The following GSTA3 variants were observed in gnomAD, a reference collection of about 807,000 sequenced individuals.
GSTA3 encodes glutathione S-transferase A3.
A neutral mutation model predicts 23.1 loss-of-function variants in GSTA3; 16 were observed. The ratio of observed to expected loss-of-function variants is 0.69; its 90% CI spans 0.47 to 1.05. The LOEUF (loss-of-function observed/expected upper bound fraction) is 1.05, where lower values mean the gene tolerates loss of function less well. Ranked by LOEUF, GSTA3 falls within the 50% of genes least tolerant of loss-of-function variation. The probability of loss-of-function intolerance (pLI) is 0.00; values close to 1 mark genes in which losing one functional copy is unlikely to be tolerated. For missense variants in GSTA3, 319 were observed against 263.6 expected (o/e 1.21, Z -1.46); for synonymous variants, 122 against 91.0 (o/e 1.34, Z -1.94).
intron 5 of GSTA3, 90 bp from the exon 6 acceptor site, chr6:52,898,046 C>G (rs1387534615): frequency 6.9e-7 from 1 of 1,440,632 alleles, no homozygotes; most frequent in Admixed American, 1.7e-5. Context: ...CTGACATTCC[C>G]ACCTGTGTTG....
chr6:52,906,604 C>A (rs10948730), intron 1 of GSTA3, among the ~76,000 whole-genome samples: 28,143 of 151,944 alleles, frequency 0.19, 3,418 homozygotes, highest in Non-Finnish European at 0.26. Flanking sequence ...GGTACTGGTA[C>A]CAAAACAGAG....
chr6:52,896,840 GC>G lies in GSTA3; in HGVS notation c.634del (p.Ala212LeufsTer2), dbSNP rs1561949026. 5.0e-6 allele frequency: 8 copies of G among 1,613,942 alleles called. No individual in the cohort carries two copies. Among genetic ancestry groups the G allele is most frequent in the Admixed American group, 3.3e-5 (2 of 59,994 alleles). On this transcript the variant is annotated frameshift_variant, in exon 7 of 7. Coordinates refer to ENST00000211122, the MANE Select transcript of GSTA3 (RefSeq NM_000847.5). LOFTEE classifies it low-confidence loss of function (END_TRUNC). ...SPRKPPADAKALEEARKIFRF is the reference protein window; with the variant it reads ...SPRKPPADAKXLEEARKIFRF Reference sequence around the variant, plus strand: ...GAAAATCTTTCTGGCTTCTTCTAAAGCTTTTGCATCTGCGGGAGGCTTCCTT... The same window carrying G: ...GAAAATCTTTCTGGCTTCTTCTAAAGTTTTGCATCTGCGGGAGGCTTCCTT...
At position 52,896,763 on chromosome 6, in the gene GSTA3, A is replaced by C; in HGVS notation, c.*43T>G. The C allele has an allele frequency of 6.2e-7, 1 of 1,609,364 alleles. No individual in the cohort carries two copies. Among genetic ancestry groups the C allele is most frequent in the Non-Finnish European group, 8.5e-7 (1 of 1,177,436 alleles). ...AAGCACTTCATTGTTGCAAAACTTT[A>C]GAATATTGGTCTTGCATGTTCTTAG... is the stretch of plus-strand genomic sequence containing the variant. On this transcript the variant is annotated 3_prime_UTR_variant, in exon 7 of 7. Coordinates refer to ENST00000211122, the MANE Select transcript of GSTA3 (RefSeq NM_000847.5).
chr6:52,902,790 C>T (rs144915253), intron 3 of GSTA3, among the ~76,000 whole-genome samples: 205 of 152,244 alleles, frequency 1.3e-3, no homozygotes, highest in African/African-American at 4.8e-3. Flanking sequence ...CAGGTTACAA[C>T]GGGAGTGCCA....
chr6:52,904,743 G>T (rs1469656124), intron 2 of GSTA3, among the ~76,000 whole-genome samples: 2 of 152,190 alleles, frequency 1.3e-5, no homozygotes, highest in East Asian at 3.8e-4. Flanking sequence ...GTTTTTCTCA[G>T]TGACACCTCT....
Position 52,896,860 on chromosome 6 carries a change from C to T in GSTA3, c.615G>A (p.Lys205=). 1 of 1,614,114 alleles carries T rather than the reference C, an allele frequency of 6.2e-7. No individual in the cohort carries two copies. Among genetic ancestry groups the T allele is most frequent in the Non-Finnish European group, 8.5e-7 (1 of 1,179,972 alleles). Residue 205 remains lysine (K), a synonymous_variant, in exon 7 of 7, where the codon AAG becomes AAA. Transcript: ENST00000211122. ...KKFLQPGSPR[K]PPADAKALEE... Reference sequence around the variant, plus strand: ...CTAAAGCTTTTGCATCTGCGGGAGGCTTCCTTGGGCTGCCAGGCTGTAGAA... The same window carrying T: ...CTAAAGCTTTTGCATCTGCGGGAGGTTTCCTTGGGCTGCCAGGCTGTAGAA...
chr6:52,908,144 C>A (rs947019348), intron 1 of GSTA3, among the ~76,000 whole-genome samples: 1 of 142,736 alleles, frequency 7.0e-6, no homozygotes, highest in Admixed American at 7.5e-5. Context: ...GGCTAGATAT[C>A]TCAAGAGCAA....
intron 2 of GSTA3, among the ~76,000 whole-genome samples, chr6:52,904,703 A>T (rs1765832324): frequency 6.6e-6 from 1 of 152,130 alleles, no homozygotes; most frequent in African/African-American, 2.4e-5. Flanking sequence ...GCAGTTAGTT[A>T]CTGAGGGACT....
intron 2 of GSTA3, among the ~76,000 whole-genome samples, chr6:52,905,515 C>A (rs1221738005): frequency 6.6e-6 from 1 of 151,852 alleles, no homozygotes; most frequent in Non-Finnish European, 1.5e-5. Context: ...TTAGTTAATT[C>A]TTTTCAAAAT....
chr6:52,900,550 C>A (rs1765646299), intron 4 of GSTA3, among the ~76,000 whole-genome samples: 1 of 152,168 alleles, frequency 6.6e-6, no homozygotes, highest in Non-Finnish European at 1.5e-5. Context: ...GGGTGAGCCA[C>A]CATGCCTGGC....
chr6:52,898,007 AC>A, intron 5 of GSTA3, 51 bp from the exon 6 acceptor site: 1 of 1,606,838 alleles, frequency 6.2e-7, no homozygotes, highest in Non-Finnish European at 8.5e-7. Flanking sequence ...CCAGGATGGG[AC>A]CCCTGCTTCT....
chr6:52,898,049 C>T, intron 5 of GSTA3, 93 bp from the exon 6 acceptor site: 1 of 1,402,274 alleles, frequency 7.1e-7, no homozygotes, highest in Non-Finnish European at 1.0e-6. Context: ...ACATTCCCAC[C>T]TGTGTTGCCT....
intron 4 of GSTA3, among the ~76,000 whole-genome samples, chr6:52,901,463 T>C (rs1007251086): frequency 1.3e-5 from 2 of 152,252 alleles, no homozygotes; most frequent in Non-Finnish European, 2.9e-5. Context: ...ACTTCATTTC[T>C]TTTCATGAGT....
rs1409859890 is a variant in GSTA3, at chr6:52,902,449, T to A, written c.169A>T (p.Met57Leu). The change falls in exon 4 of 7, where the codon ATG becomes TTG. Residue 57 changes from methionine to leucine, a missense_variant. Met to Leu is a conservative substitution (Grantham distance 15). Transcript: ENST00000211122. ...AACTTCATCCCATCAATCTCAACCA[T>A]TGGTACTTGCTGGAACATCAAACTC... Reference protein sequence around the residue: ...DGSLMFQQVPMVEIDGMKLVQ... With the variant: ...DGSLMFQQVPLVEIDGMKLVQ... 1 of 1,613,462 alleles carries A rather than the reference T, an allele frequency of 6.2e-7. No individual in the cohort carries two copies. Among genetic ancestry groups the A allele is most frequent in the African/African-American group, 1.3e-5 (1 of 74,998 alleles).
At position 52,907,225 on chromosome 6, in the gene GSTA3, C is replaced by T. The variant is rs1357120218; in HGVS notation, c.-21-1370G>A. 2.6e-5 allele frequency among the ~76,000 whole-genome samples: 3 copies of T among 113,754 alleles called. 1 individual carries two copies. Among genetic ancestry groups the T allele is most frequent in the Non-Finnish European group, 5.0e-5 (3 of 59,550 alleles). 74.6% of individuals were successfully genotyped at this position (113,754 alleles called of 152,430 possible). On this transcript the variant is annotated intron_variant, in intron 1 of 6. Transcript: ENST00000211122. ...AGAGCATTTATGACATGAAAAAATG[C>T]TCACCATCACTGGCCATCAGAGAAA...
chr6:52,902,471 A>ATG lies in GSTA3; in HGVS notation c.146_147insCA (p.Leu50IlefsTer2). On this transcript the variant is annotated frameshift_variant, in exon 4 of 7. Coordinates refer to ENST00000211122, the MANE Select transcript of GSTA3 (RefSeq NM_000847.5). LOFTEE classifies it high-confidence loss of function. The stretch of plus-strand genomic sequence containing the variant: ...CCATTGGTACTTGCTGGAACATCAA[A>ATG]CTCCCATCTTTAGAAAGAAGGAAAA... 2 of 1,606,490 alleles carry ATG rather than the reference A, an allele frequency of 1.2e-6. No homozygotes were observed. Among genetic ancestry groups the ATG allele is most frequent in the East Asian group, 4.5e-5 (2 of 44,840 alleles).
At chr6:52,909,090 T>G (rs1176268798) in intron 1 of GSTA3, among the ~76,000 whole-genome samples, 1 of 152,196 alleles carries the variant, frequency 6.6e-6, no homozygotes, top group South Asian at 2.1e-4. Context: ...AACTAATCTG[T>G]GTAAAATCAA....
In GSTA3 at chr6:52,896,832, C is replaced by T. The variant is rs776277879; in HGVS notation, c.643G>A (p.Glu215Lys). Residue 215 changes from glutamate to lysine, a missense_variant, in exon 7 of 7, where the codon GAA (glutamate) becomes AAA (lysine). Coordinates refer to ENST00000211122, the MANE Select transcript of GSTA3 (RefSeq NM_000847.5). ...TAAAACCTGAAAATCTTTCTGGCTTCTTCTAAAGCTTTTGCATCTGCGGGA... is the reference window on the plus strand; with the variant it reads ...TAAAACCTGAAAATCTTTCTGGCTTTTTCTAAAGCTTTTGCATCTGCGGGA... ...KPPADAKALE[E>K]ARKIFRF 1.9e-6 allele frequency: 3 copies of T among 1,614,094 alleles called. No individual in the cohort carries two copies. The South Asian group carries it at 3.3e-5, about 18-fold the overall frequency.
At chr6:52,904,175 T>A (rs371360834) in intron 2 of GSTA3, among the ~76,000 whole-genome samples, 1 of 151,984 alleles carries the variant, frequency 6.6e-6, no homozygotes, top group African/African-American at 2.4e-5. Flanking sequence ...TATTTTGTAG[T>A]GCTGGGGTCT....
Sources: gnomAD v4.1 joint callset for allele counts (sites outside exome capture counted in the v4.1 genomes callset) on GRCh38, gnomAD v4.1.1 for gene constraint, MANE v1.5 for transcripts, NCBI Gene and HGNC (gene_info 2026-07-23, HGNC 2026-07-21) for gene names.